SGCD: variants seen among roughly 807,000 people sequenced by gnomAD.
SGCD encodes sarcoglycan delta, also known as delta-sarcoglycan.
A neutral mutation model predicts 36.6 loss-of-function variants in SGCD; 18 were observed. The ratio of observed to expected loss-of-function variants is 0.49; its 90% confidence interval spans 0.34 to 0.73. The LOEUF is 0.73. SGCD is among the 30% of genes least tolerant of loss of function. The pLI is 0.01. For missense variants in SGCD, 387 were observed against 346.7 expected (o/e 1.12, Z -0.92); for synonymous variants, 133 against 130.6 (o/e 1.02, Z -0.12).
At chr5:156,436,694 G>A (rs1580990883) in intron 3 of SGCD, among the ~76,000 whole-genome samples, 1 of 152,140 alleles carries the variant, frequency 6.6e-6, no homozygotes, top group Non-Finnish European at 1.5e-5. Flanking sequence ...TCCTGCTGCA[G>A]TGGCTAAATT....
intron 7 of SGCD, among the ~76,000 whole-genome samples, chr5:156,752,621 T>C (rs1378054338): frequency 6.6e-6 from 1 of 152,222 alleles, no homozygotes; most frequent in Non-Finnish European, 1.5e-5. Context: ...CTCGAACTCC[T>C]GACCTCAGGT....
intron 3 of SGCD, among the ~76,000 whole-genome samples, chr5:156,156,595 G>T (rs1762970507): frequency 6.6e-6 from 1 of 151,576 alleles, no homozygotes; most frequent in Admixed American, 6.6e-5. Context: ...CTGCACTCCA[G>T]ACTGGGTGAC....
intron 1 of SGCD, among the ~76,000 whole-genome samples, chr5:156,096,871 T>C (rs1761389589): frequency 6.6e-6 from 1 of 152,238 alleles, no homozygotes. Flanking sequence ...TTTTAGTAAA[T>C]CTTTAAGGGG....
At chr5:156,072,816 G>A (rs183032338) in intron 1 of SGCD, among the ~76,000 whole-genome samples, 23 of 152,232 alleles carry the variant, frequency 1.5e-4, no homozygotes, top group Admixed American at 1.2e-3. Context: ...ATTTCTTGGC[G>A]GCTTTGTTTG....
At chr5:156,187,317 TAGC>T (rs1214407708) in intron 3 of SGCD, among the ~76,000 whole-genome samples, 3 of 152,174 alleles carry the variant, frequency 2.0e-5, no homozygotes, top group Middle Eastern at 6.8e-3. Flanking sequence ...ATGATTTTAA[TAGC>T]AGGTTTTTTG....
chr5:156,585,065 A>T (rs1310457167), intron 4 of SGCD, among the ~76,000 whole-genome samples: 1 of 152,232 alleles, frequency 6.6e-6, no homozygotes, highest in Non-Finnish European at 1.5e-5. Context: ...AACTTAGTGA[A>T]GTATTGAGAG....
intron 3 of SGCD, among the ~76,000 whole-genome samples, chr5:156,430,517 T>C (rs1773890610): frequency 6.6e-6 from 1 of 152,180 alleles, no homozygotes; most frequent in African/African-American, 2.4e-5. Flanking sequence ...TCTGGATCCA[T>C]TGCTGGGGAG....
chr5:156,696,519 G>C (rs1425699967), intron 7 of SGCD, among the ~76,000 whole-genome samples: 1 of 152,036 alleles, frequency 6.6e-6, no homozygotes, highest in African/African-American at 2.4e-5. Flanking sequence ...AAATATTTTT[G>C]CTTTTTTTGA....
intron 1 of SGCD, among the ~76,000 whole-genome samples, chr5:156,022,460 T>C (rs1257924595): frequency 3.3e-5 from 5 of 152,212 alleles, no homozygotes; most frequent in South Asian, 2.1e-4. Flanking sequence ...GAATAACATG[T>C]AGTTTCTTTT....
intron 1 of SGCD, among the ~76,000 whole-genome samples, chr5:156,035,738 T>A (rs1427648157): frequency 3.3e-5 from 5 of 152,234 alleles, no homozygotes; most frequent in Non-Finnish European, 5.9e-5. Flanking sequence ...GTAAAGTGAC[T>A]ACTTCCTGTT....
At chr5:156,424,580 A>C (rs928141038) in intron 3 of SGCD, among the ~76,000 whole-genome samples, 2 of 152,114 alleles carry the variant, frequency 1.3e-5, no homozygotes, top group South Asian at 2.1e-4. Flanking sequence ...CAATATATCA[A>C]GATGATGGCA....
At chr5:155,978,589 A>G (rs1338047148) in intron 1 of SGCD, among the ~76,000 whole-genome samples, 2 of 152,386 alleles carry the variant, frequency 1.3e-5, no homozygotes, top group East Asian at 3.9e-4. Flanking sequence ...TAAGTCACAC[A>G]TGACAAAGAT....
intron 7 of SGCD, among the ~76,000 whole-genome samples, chr5:156,697,052 T>A (rs1326724510): frequency 1.3e-5 from 2 of 150,072 alleles, no homozygotes. Flanking sequence ...ACTGACATCT[T>A]TTTTTTTTAA....
At chr5:156,046,074 C>T (rs1759757560) in intron 1 of SGCD, among the ~76,000 whole-genome samples, 1 of 152,110 alleles carries the variant, frequency 6.6e-6, no homozygotes, top group Non-Finnish European at 1.5e-5. Context: ...TATTATAATA[C>T]ATAGCTCAGT....
the SGCD span, among the ~76,000 whole-genome samples, chr5:155,801,991 C>T: frequency 6.6e-6 from 1 of 152,150 alleles, no homozygotes; most frequent in Non-Finnish European, 1.5e-5. Flanking sequence ...AATTGCTTTG[C>T]CAACTGGAAT....
chr5:156,025,324 C>A (rs573106064), intron 1 of SGCD, among the ~76,000 whole-genome samples: 31 of 152,294 alleles, frequency 2.0e-4, no homozygotes, highest in African/African-American at 7.2e-4. Context: ...TTAGTTGGAG[C>A]AAGTCATAAG....
At chr5:156,608,447 G>A (rs1761596389) in intron 6 of SGCD, among the ~76,000 whole-genome samples, 1 of 152,186 alleles carries the variant, frequency 6.6e-6, no homozygotes, top group African/African-American at 2.4e-5. Flanking sequence ...ATTTGCTGAG[G>A]AGAGCTTTAC....
At chr5:156,641,180 T>C (rs1351245688) in intron 6 of SGCD, among the ~76,000 whole-genome samples, 1 of 152,226 alleles carries the variant, frequency 6.6e-6, no homozygotes, top group Non-Finnish European at 1.5e-5. Flanking sequence ...TTCTAAGGCA[T>C]TTCCTGTGGT....
chr5:155,956,514 C>A (rs1408599057), intron 1 of SGCD, among the ~76,000 whole-genome samples: 2 of 152,104 alleles, frequency 1.3e-5, no homozygotes, highest in African/African-American at 4.8e-5. Flanking sequence ...AGGATACTTA[C>A]TCTATTAGTC....
Sources: allele counts gnomAD v4.1 joint callset (sites outside exome capture counted in the v4.1 genomes callset), GRCh38; gene constraint gnomAD v4.1.1; transcripts MANE v1.5; gene names NCBI Gene and HGNC (gene_info 2026-07-23, HGNC 2026-07-21).